SFSWAP: variants seen among roughly 807,000 people sequenced by gnomAD.
The protein encoded by SFSWAP is splicing factor, suppressor of white-apricot homolog.
A neutral mutation model predicts 100.7 loss-of-function variants in SFSWAP; 17 were observed. That is an observed-to-expected ratio of 0.17 (90% CI 0.12 to 0.25). The LOEUF (loss-of-function observed/expected upper bound fraction) is 0.25, where lower values mean the gene tolerates loss of function less well. Among genes scored for constraint, SFSWAP ranks in the 10% least tolerant of loss-of-function variants. The pLI is 1.00. For missense variants in SFSWAP, 1,005 were observed against 1,262.6 expected (o/e 0.80, Z 3.09); for synonymous variants, 504 against 510.1 (o/e 0.99, Z 0.16).
chr12:131,737,077 G>A (rs1057231849), intron 7 of SFSWAP, among the ~76,000 whole-genome samples: 6 of 152,168 alleles, frequency 3.9e-5, no homozygotes, highest in African/African-American at 9.7e-5. Context: ...CTGAGGCGAC[G>A]CACATCCTCG....
At position 131,726,969 on chromosome 12, in the gene SFSWAP, G is replaced by A. The variant is rs2136189346; in HGVS notation, c.862G>A (p.Asp288Asn). Reference protein sequence around the residue: ...KSGVSSDNEDDDDEEDGNYLH... With the variant: ...KSGVSSDNEDNDDEEDGNYLH... ...AGGAGTCAGCTCTGACAATGAAGAT[G>A]ATGATGATGAAGAAGATGGGAATTA... The change falls in exon 6 of 18, where the codon GAT (aspartate) becomes AAT (asparagine). Residue 288 changes from aspartate (D) to asparagine (N), a missense_variant. Transcript: ENST00000261674. 11 of 1,605,448 alleles carry A rather than the reference G, an allele frequency of 6.9e-6. No homozygotes were observed. Among genetic ancestry groups the A allele is most frequent in the Non-Finnish European group, 9.4e-6 (11 of 1,174,658 alleles).
At chr12:131,796,133 C>T (rs1885660460) in intron 15 of SFSWAP, 1 of 152,120 alleles carries the variant, frequency 6.6e-6, no homozygotes, top group Non-Finnish European at 1.5e-5. Flanking sequence ...AAACACTGTA[C>T]TCAGGGCCAG....
intron 1 of SFSWAP, chr12:131,712,029 TGATAATCCGAC>T (rs1054034189): frequency 6.6e-6 from 1 of 152,610 alleles, no homozygotes. Context: ...GATTTCCCGG[TGATAATCCGAC>T]GAGTTTGACA....
At chr12:131,767,144 G>A (rs537907459) in intron 13 of SFSWAP, among the ~76,000 whole-genome samples, 110 of 135,056 alleles carry the variant, frequency 8.1e-4, no homozygotes, top group Non-Finnish European at 1.1e-3. Context: ...GCTCCCATGC[G>A]TGTCCGAGAC....
At chr12:131,731,385 T>C (rs1879496883) in intron 7 of SFSWAP, among the ~76,000 whole-genome samples, 1 of 152,200 alleles carries the variant, frequency 6.6e-6, no homozygotes, top group Non-Finnish European at 1.5e-5. Context: ...TGCTTCTGTG[T>C]GCTGTTGAAG....
intron 11 of SFSWAP, 107 bp downstream of exon 11, chr12:131,756,751 G>A: frequency 2.0e-6 from 2 of 998,706 alleles, no homozygotes; most frequent in Non-Finnish European, 2.9e-6. Flanking sequence ...GCTGGGGTGG[G>A]GTTGGCGGCC....
At chr12:131,753,038 G>A in intron 7 of SFSWAP, 85 bp from the exon 8 acceptor site, 4 of 1,566,650 alleles carry the variant, frequency 2.6e-6, no homozygotes, top group Non-Finnish European at 1.7e-6. Context: ...ATCTTGCCGG[G>A]GGAAGGGCTC....
At chr12:131,751,873 C>G (rs182511834) in intron 7 of SFSWAP, among the ~76,000 whole-genome samples, 107 of 152,340 alleles carry the variant, frequency 7.0e-4, no homozygotes, top group Non-Finnish European at 1.2e-3. Context: ...TCAGATATAT[C>G]TGTGTTGACG....
chr12:131,785,491 G>T (rs557504404), intron 14 of SFSWAP: 12 of 354,060 alleles, frequency 3.4e-5, no homozygotes, highest in Non-Finnish European at 4.6e-5. Context: ...GAGTTGTCAT[G>T]GAAACAAAAT....
chr12:131,749,365 CAGTT>C (rs1026948891), intron 7 of SFSWAP, among the ~76,000 whole-genome samples: 1 of 152,198 alleles, frequency 6.6e-6, no homozygotes, highest in Non-Finnish European at 1.5e-5. Flanking sequence ...AGTAATGGCA[CAGTT>C]ATTGTAAAGC....
intron 7 of SFSWAP, among the ~76,000 whole-genome samples, chr12:131,743,088 C>T (rs1566021220): frequency 6.6e-6 from 1 of 152,210 alleles, no homozygotes; most frequent in East Asian, 1.9e-4. Context: ...CAGGTTCCTC[C>T]CACAACATGT....
intron 11 of SFSWAP, among the ~76,000 whole-genome samples, chr12:131,761,555 G>A (rs1011075999): frequency 5.3e-5 from 8 of 152,208 alleles, no homozygotes; most frequent in African/African-American, 1.7e-4. Context: ...AGAGGTGAGG[G>A]GCAGTGCAAA....
rs747262921 is a variant in SFSWAP at position 131,777,290 on chromosome 12, C to T, written c.2143-775C>T. ...TATATCTCCTAATGCTATCCCTCCC[C>T]GCTCACCCCACCCCACAACAGGCCC... On this transcript the variant is annotated intron_variant, in intron 13 of 17. Transcript: ENST00000261674. Among the ~76,000 whole-genome samples the T allele has an allele frequency of 1.6e-4, 24 of 152,242 alleles. No homozygotes were observed. The South Asian group carries it at 1.9e-3, about 12-fold the overall frequency.
intron 13 of SFSWAP, among the ~76,000 whole-genome samples, chr12:131,771,502 C>T (rs1883597443): frequency 6.6e-6 from 1 of 152,144 alleles, no homozygotes; most frequent in Non-Finnish European, 1.5e-5. Flanking sequence ...GGGACCGTAG[C>T]AGTTTTATTT....
At chr12:131,732,870 A>G (rs936954560) in intron 7 of SFSWAP, among the ~76,000 whole-genome samples, 8 of 151,968 alleles carry the variant, frequency 5.3e-5, no homozygotes, top group Non-Finnish European at 1.2e-4. Flanking sequence ...CTGTCTGGAA[A>G]ATTACTAACA....
chr12:131,758,291 C>G (rs992544218), intron 11 of SFSWAP, among the ~76,000 whole-genome samples: 4 of 152,158 alleles, frequency 2.6e-5, no homozygotes, highest in Non-Finnish European at 5.9e-5. Context: ...CTCCACACTT[C>G]CCTGATTGTC....
intron 11 of SFSWAP, among the ~76,000 whole-genome samples, chr12:131,757,684 C>T (rs1473516890): frequency 2.6e-5 from 4 of 152,100 alleles, no homozygotes; most frequent in African/African-American, 4.8e-5. Context: ...ATAAAGATGC[C>T]TTGTTGTATG....
chr12:131,792,027 CGT>C (rs1249037418), intron 15 of SFSWAP, among the ~76,000 whole-genome samples: 2 of 147,786 alleles, frequency 1.4e-5, no homozygotes, highest in African/African-American at 5.1e-5. Context: ...TGTGTGCACT[CGT>C]GTGTGTTCAC....
chr12:131,759,538 G>A (rs1286955749), intron 11 of SFSWAP, among the ~76,000 whole-genome samples: 3 of 152,122 alleles, frequency 2.0e-5, no homozygotes, highest in Non-Finnish European at 2.9e-5. Flanking sequence ...GGTGGCTCAC[G>A]CTTGTAATCC....
Sources: allele counts gnomAD v4.1 joint callset (sites outside exome capture counted in the v4.1 genomes callset), GRCh38; gene constraint gnomAD v4.1.1; transcripts MANE v1.5; gene names NCBI Gene and HGNC (gene_info 2026-07-23, HGNC 2026-07-21).